DHDDS: variants seen among roughly 807,000 people sequenced by gnomAD.
DHDDS encodes dehydrodolichyl diphosphate synthase complex subunit DHDDS.
DHDDS carries 16 observed loss-of-function variants against 46.2 expected under a neutral mutation model. The ratio of observed to expected loss-of-function variants is 0.35; its 90% CI spans 0.23 to 0.53. The LOEUF is 0.53. DHDDS is among the 20% of genes least tolerant of loss of function. The pLI, the probability that DHDDS is intolerant of heterozygous loss-of-function variation, is 0.94. For synonymous variants in DHDDS, 151 were observed against 163.1 expected, an observed-to-expected ratio of 0.93 and a Z score of 0.56; for missense variants, 340 against 423.7, an observed-to-expected ratio of 0.80 and a Z score of 1.73.
intron 8 of DHDDS, among the ~76,000 whole-genome samples, chr1:26,464,724 C>T (rs976266764): frequency 1.3e-5 from 2 of 152,194 alleles, no homozygotes; most frequent in Non-Finnish European, 2.9e-5. Context: ...GTTCCATGCC[C>T]TCCAGTTTCC....
In DHDDS at chr1:26,469,048, G is replaced by A; in HGVS notation, c.919G>A (p.Glu307Lys). The A allele has an allele frequency of 1.2e-6, 2 of 1,613,944 alleles. No homozygotes were observed. The highest frequency in any genetic ancestry group is 1.7e-6 in the Non-Finnish European group (2 of 1,180,046). Reference sequence around the variant, plus strand: ...CTTGCACAAACTCTCGGCCAGACGGGAAGAGCGAGTCCAAGGCTTCCTGCA... The same window carrying A: ...CTTGCACAAACTCTCGGCCAGACGGAAAGAGCGAGTCCAAGGCTTCCTGCA... The part of the protein sequence containing the change: ...TRLHKLSARR[E>K]ERVQGFLQAL... Residue 307 changes from glutamate to lysine, a missense_variant, in exon 9 of 9, where the codon GAA (glutamate) becomes AAA (lysine). By Grantham distance (56) the Glu-to-Lys change is moderately conservative (BLOSUM62 1). Transcript: ENST00000236342.
At chr1:26,467,514 TGA>T (rs1229606926) in intron 8 of DHDDS, 1 of 349,900 alleles carries the variant, frequency 2.9e-6, no homozygotes, top group South Asian at 2.2e-5. Context: ...CCTTTATTGC[TGA>T]GAGACAGCAA....
At chr1:26,449,848 C>T (rs192193124) in intron 6 of DHDDS, among the ~76,000 whole-genome samples, 2 of 152,228 alleles carry the variant, frequency 1.3e-5, no homozygotes, top group East Asian at 1.9e-4. Flanking sequence ...CGTGAGCCAC[C>T]GCGCCCGGCG....
chr1:26,455,004 G>T, intron 6 of DHDDS: 1 of 1,435,566 alleles, frequency 7.0e-7, no homozygotes, highest in Non-Finnish European at 9.8e-7. Context: ...CCATTGTAAC[G>T]TCGGAATGGT....
intron 8 of DHDDS, chr1:26,467,454 G>A (rs894374857): frequency 5.2e-5 from 21 of 404,322 alleles, no homozygotes; most frequent in Non-Finnish European, 9.1e-5. Flanking sequence ...TTCAGGAGCC[G>A]GGGGGGACAG....
intron 8 of DHDDS, 84 bp from the exon 9 acceptor site, chr1:26,468,811 G>GCCCCCCCCCCCACCCCC: frequency 2.0e-5 from 13 of 637,980 alleles, no homozygotes; most frequent in Admixed American, 2.4e-5. Context: ...CCCACCCTGT[G>GCCCCCCCCCCCACCCCC]CCCCACCCCC....
Position 26,433,124 on chromosome 1 carries a change from A to G in DHDDS, c.63+116A>G, listed in dbSNP as rs2075120141. The G allele has an allele frequency of 7.9e-6, 9 of 1,141,468 alleles. No homozygotes were observed. The South Asian group carries it at 1.2e-4, about 15-fold the overall frequency. 70.7% of individuals were successfully genotyped at this position (1,141,468 alleles called of 1,614,324 possible). A position where few individuals can be genotyped will look rare whatever the true frequency, so the allele number is the denominator to read the frequency against. On this transcript the variant is annotated intron_variant, in intron 2 of 8. Coordinates refer to ENST00000236342, the MANE Select transcript of DHDDS (RefSeq NM_205861.3). ...CAATTCATGATGTTAAGTGGAATTT[A>G]GCAAGGAAACCAAAGAGTCTTAGAA...
intron 6 of DHDDS, among the ~76,000 whole-genome samples, chr1:26,452,473 G>A (rs749096018): frequency 2.1e-4 from 32 of 152,274 alleles, no homozygotes; most frequent in East Asian, 3.9e-4. Flanking sequence ...TACCTTGAAC[G>A]GGCTACTTGA....
Position 26,454,984 on chromosome 1 carries a change from G to A in DHDDS, c.543-2807G>A, listed in dbSNP as rs538240481. The stretch of plus-strand genomic sequence containing the variant: ...CCCACTGCTTGGCCTGGGCACACCT[G>A]CCAGCTCCACCATTGTAACGTCGGA... On this transcript the variant is annotated intron_variant, in intron 6 of 8. Transcript: ENST00000236342. 1.1e-5 allele frequency: 17 copies of A among 1,539,516 alleles called. No homozygotes were observed. In the African/African-American group the frequency reaches 2.0e-4, roughly 18 times the overall value.
intron 6 of DHDDS, among the ~76,000 whole-genome samples, chr1:26,451,668 G>A (rs1184978450): frequency 1.4e-5 from 2 of 141,950 alleles, no homozygotes; most frequent in African/African-American, 2.7e-5. Context: ...TCGCTCTGTC[G>A]CCCAGGCTGG....
intron 2 of DHDDS, among the ~76,000 whole-genome samples, chr1:26,433,675 C>CAAAAAA (rs576315586): frequency 2.1e-5 from 2 of 94,708 alleles, no homozygotes; most frequent in African/African-American, 7.0e-5. Flanking sequence ...GACTCTGTCT[C>CAAAAAA]AAAAAAAAAA....
intron 3 of DHDDS, among the ~76,000 whole-genome samples, chr1:26,439,082 C>T (rs2075191515): frequency 6.6e-6 from 1 of 152,104 alleles, no homozygotes; most frequent in South Asian, 2.1e-4. Context: ...ACACCCGTCA[C>T]CATGTCCAAC....
At chr1:26,455,184 C>A in intron 6 of DHDDS, 1 of 755,020 alleles carries the variant, frequency 1.3e-6, no homozygotes, top group Non-Finnish European at 2.5e-6. Context: ...GAATAGTGAA[C>A]CATTTTCACA....
chr1:26,446,572 C>T (rs1045611245), intron 5 of DHDDS, 140 bp downstream of exon 5: 16 of 755,448 alleles, frequency 2.1e-5, no homozygotes, highest in Non-Finnish European at 3.8e-5. Context: ...TAGAGACTTT[C>T]TCCGTCTGCA....
At chr1:26,455,663 C>T (rs7546017) in intron 6 of DHDDS, among the ~76,000 whole-genome samples, 32,288 of 152,050 alleles carry the variant, frequency 0.21, 3,866 homozygotes, top group Admixed American at 0.29. Flanking sequence ...AAGAGAATCA[C>T]TTGAACCCGA....
chr1:26,450,226 G>A (rs1198187193), intron 6 of DHDDS, among the ~76,000 whole-genome samples: 1 of 152,192 alleles, frequency 6.6e-6, no homozygotes. Context: ...GGCAATCAAA[G>A]CTCACTGAAG....
intron 2 of DHDDS, among the ~76,000 whole-genome samples, chr1:26,435,371 G>A (rs1052778134): frequency 6.7e-6 from 1 of 150,076 alleles, no homozygotes; most frequent in Non-Finnish European, 1.5e-5. Flanking sequence ...ACCAGATCCA[G>A]CAATGTTGTG....
chr1:26,443,059 A>T (rs199883232), intron 4 of DHDDS, 186 bp downstream of exon 4: 1 of 457,234 alleles, frequency 2.2e-6, no homozygotes, highest in East Asian at 7.1e-5. Flanking sequence ...TAACTTTTTA[A>T]TAAAAAAGGG....
At chr1:26,438,379 G>A (rs1177783042) in intron 3 of DHDDS, 95 bp downstream of exon 3, 2 of 1,121,392 alleles carry the variant, frequency 1.8e-6, no homozygotes, top group Admixed American at 1.7e-5. Flanking sequence ...GTTGGAGAGT[G>A]TTTTTTGTAT....
Sources: gnomAD v4.1 joint callset for allele counts (sites outside exome capture counted in the v4.1 genomes callset) on GRCh38, gnomAD v4.1.1 for gene constraint, MANE v1.5 for transcripts, NCBI Gene and HGNC (gene_info 2026-07-23, HGNC 2026-07-21) for gene names.